Variants in TMEM267 observed in about 807,000 individuals in gnomAD.
TMEM267 encodes transmembrane protein C5orf28.
TMEM267 carries 20 observed loss-of-function variants against 19.3 expected under a neutral mutation model. That is an observed-to-expected ratio of 1.04 (90% confidence interval 0.73 to 1.51). TMEM267 has a LOEUF of 1.51. Among genes scored for constraint, TMEM267 ranks in the 40% most tolerant of loss-of-function variants. The probability of loss-of-function intolerance (pLI) is 0.00; values close to 1 mark genes in which losing one functional copy is unlikely to be tolerated. For synonymous variants in TMEM267, 88 were observed against 90.3 expected (o/e 0.97, Z 0.15); for missense variants, 242 against 261.9 (o/e 0.92, Z 0.52).
At position 43,463,067 on chromosome 5, in the gene TMEM267, G is replaced by A. The variant is rs866300453; in HGVS notation, c.-74-9024C>T. On this transcript the variant is annotated intron_variant, in intron 1 of 2. Transcript: ENST00000397080. Reference sequence around the variant, plus strand: ...CAAGACTAATAAAGAAGAAAAGAGAGAAGAATCAAATAGATGCAATAAAAA... The same window carrying A: ...CAAGACTAATAAAGAAGAAAAGAGAAAAGAATCAAATAGATGCAATAAAAA... 7.7e-4 allele frequency among the ~76,000 whole-genome samples: 117 copies of A among 151,978 alleles called. 1 individual carries two copies. Among genetic ancestry groups the A allele is most frequent in the African/African-American group, 2.7e-3 (111 of 41,422 alleles).
intron 1 of TMEM267, among the ~76,000 whole-genome samples, chr5:43,474,084 C>A (rs1359358903): frequency 6.6e-6 from 1 of 152,190 alleles, no homozygotes; most frequent in East Asian, 1.9e-4. Context: ...GAAACTGGAT[C>A]CCTTCCTTAC....
chr5:43,483,276 T>A (rs16873361), intron 1 of TMEM267, among the ~76,000 whole-genome samples: 11,627 of 152,252 alleles, frequency 0.076, 776 homozygotes, highest in African/African-American at 0.18. Context: ...TATTTCAACA[T>A]GTTTCAAGCC....
chr5:43,474,478 T>C (rs562530853), intron 1 of TMEM267, among the ~76,000 whole-genome samples: 5 of 152,180 alleles, frequency 3.3e-5, no homozygotes, highest in South Asian at 2.1e-4. Context: ...AAGAAGACAT[T>C]TGCCAGGCGT....
chr5:43,472,804 T>TG (rs1744162713), intron 1 of TMEM267, among the ~76,000 whole-genome samples: 5 of 9,902 alleles, frequency 5.0e-4, no homozygotes, highest in Admixed American at 1.3e-3. Context: ...TGAAGGGTGG[T>TG]GGGGGGTCAG....
rs13155888 is a variant in TMEM267, at chr5:43,445,916, T to A, written c.*306A>T. On this transcript the variant is annotated 3_prime_UTR_variant, in exon 3 of 3. Transcript: ENST00000397080. ...AAATTCCAGGTATATTTCCAGAAAA[T>A]GAACTGGATGTTAATCTAAAAGAAC... 0.014 allele frequency: 2,338 copies of A among 162,938 alleles called. 66 individuals carry two copies. The highest frequency in any genetic ancestry group is 0.13 in the East Asian group (777 of 6,024). The allele number at this position is 162,938 out of a possible 1,614,324, so 10.1% of individuals were successfully genotyped here.
intron 1 of TMEM267, among the ~76,000 whole-genome samples, chr5:43,466,373 A>C (rs1743674995): frequency 6.6e-6 from 1 of 152,220 alleles, no homozygotes; most frequent in Non-Finnish European, 1.5e-5. Flanking sequence ...AAGGAAAAAA[A>C]ACTTTTATCT....
chr5:43,466,350 C>T (rs1252934129), intron 1 of TMEM267, among the ~76,000 whole-genome samples: 1 of 152,128 alleles, frequency 6.6e-6, no homozygotes, highest in Admixed American at 6.5e-5. Flanking sequence ...GGTATGACAT[C>T]TTAAAAGTGC....
intron 1 of TMEM267, among the ~76,000 whole-genome samples, chr5:43,472,882 G>A (rs2132001): frequency 0.49 from 72,742 of 148,454 alleles, 18,499 homozygotes; most frequent in Middle Eastern, 0.63. Context: ...GCTCACACCT[G>A]TAATCCCAGC....
At chr5:43,448,213 G>A (rs554554728) in intron 2 of TMEM267, among the ~76,000 whole-genome samples, 1 of 151,970 alleles carries the variant, frequency 6.6e-6, no homozygotes, top group East Asian at 1.9e-4. Flanking sequence ...TTTATTTTAC[G>A]CTCCTCTTTC....
At chr5:43,451,261 A>C (rs1742568576) in intron 2 of TMEM267, among the ~76,000 whole-genome samples, 1 of 152,222 alleles carries the variant, frequency 6.6e-6, no homozygotes, top group Non-Finnish European at 1.5e-5. Flanking sequence ...AGAAAAGGGA[A>C]CTTAATTAAA....
intron 1 of TMEM267, among the ~76,000 whole-genome samples, chr5:43,479,073 C>T (rs1055678294): frequency 1.5e-4 from 22 of 150,622 alleles, no homozygotes; most frequent in African/African-American, 5.1e-4. Context: ...GCATTGTTTA[C>T]AAGAAAAATT....
intron 1 of TMEM267, among the ~76,000 whole-genome samples, chr5:43,480,797 CTTTTTTTTTT>C (rs869260304): frequency 2.5e-5 from 2 of 79,582 alleles, no homozygotes; most frequent in Non-Finnish European, 4.5e-5. Context: ...AATAATCTTA[CTTTTTTTTTT>C]TTTTTTTTTT....
chr5:43,479,130 C>T (rs958501628), intron 1 of TMEM267, among the ~76,000 whole-genome samples: 4 of 151,644 alleles, frequency 2.6e-5, no homozygotes, highest in African/African-American at 9.7e-5. Flanking sequence ...GAAATAAATT[C>T]CACAAATATG....
intron 1 of TMEM267, chr5:43,479,807 A>C (rs1165247768): frequency 2.5e-6 from 1 of 399,940 alleles, no homozygotes; most frequent in South Asian, 1.8e-5. Context: ...TTTTCTATAG[A>C]TTCTTCCAGG....
At chr5:43,453,521 A>C (rs569426626) in intron 2 of TMEM267, 137 bp downstream of exon 2, 1 of 733,334 alleles carries the variant, frequency 1.4e-6, no homozygotes, top group Non-Finnish European at 2.2e-6. Flanking sequence ...GGCAAGTACT[A>C]AGTGGTCAAA....
At chr5:43,461,319 C>T (rs1743245449) in intron 1 of TMEM267, among the ~76,000 whole-genome samples, 1 of 152,184 alleles carries the variant, frequency 6.6e-6, no homozygotes, top group Non-Finnish European at 1.5e-5. Context: ...GCGTGAGCCT[C>T]TGAGACTTGC....
At chr5:43,478,505 T>G (rs1449100061) in intron 1 of TMEM267, among the ~76,000 whole-genome samples, 1 of 152,178 alleles carries the variant, frequency 6.6e-6, no homozygotes, top group Non-Finnish European at 1.5e-5. Flanking sequence ...GACTATATAA[T>G]AATGTAAAGC....
At chr5:43,457,570 G>GTGAGAACGAACTCACTATCA (rs1561188531) in intron 1 of TMEM267, among the ~76,000 whole-genome samples, 1 of 152,120 alleles carries the variant, frequency 6.6e-6, no homozygotes, top group East Asian at 1.9e-4. Context: ...GCCAGATCTC[G>GTGAGAACGAACTCACTATCA]TGAGAACGAA....
chr5:43,473,774 T>A (rs1744228546), intron 1 of TMEM267, among the ~76,000 whole-genome samples: 1 of 152,164 alleles, frequency 6.6e-6, no homozygotes, highest in Admixed American at 6.5e-5. Context: ...AAATTTCACA[T>A]GGAACCAAAA....
Sources: allele counts gnomAD v4.1 joint callset (sites outside exome capture counted in the v4.1 genomes callset), GRCh38; gene constraint gnomAD v4.1.1; transcripts MANE v1.5; gene names NCBI Gene and HGNC (gene_info 2026-07-23, HGNC 2026-07-21).